VARS2: variants seen among roughly 807,000 people sequenced by gnomAD.
The protein encoded by VARS2 is valyl-tRNA synthetase 2, mitochondrial.
A neutral mutation model predicts 154.1 loss-of-function variants in VARS2; 105 were observed. The ratio of observed to expected loss-of-function variants is 0.68; its 90% CI spans 0.58 to 0.80. VARS2 has a LOEUF of 0.80. Ranked by LOEUF, VARS2 falls within the 30% of genes least tolerant of loss-of-function variation. The probability of loss-of-function intolerance (pLI) is 0.00; values close to 1 mark genes in which losing one functional copy is unlikely to be tolerated. For missense variants in VARS2, 1,157 were observed against 1,361.4 expected (o/e 0.85, Z 2.36); for synonymous variants, 483 against 539.5 (o/e 0.90, Z 1.45).
At chr6:30,925,858 T>G in intron 28 of VARS2, 22 bp from the exon 29 acceptor site, 2 of 1,612,118 alleles carry the variant, frequency 1.2e-6, no homozygotes, top group South Asian at 2.2e-5. Flanking sequence ...TGTCTGAGCC[T>G]TTTCTCCCTG....
chr6:30,923,090 T>A lies in VARS2; in HGVS notation c.2186-14T>A. ...GCCACCTACATGCAGACTACCTCGA[T>A]TCTTCCCTTCCAGCGGGCGACTTGC... On this transcript the variant is annotated splice_polypyrimidine_tract_variant and intron_variant, in intron 23 of 29. Transcript: ENST00000676266. 6.2e-7 allele frequency: 1 copy of A among 1,612,840 alleles called. No homozygotes were observed. Among genetic ancestry groups the A allele is most frequent in the South Asian group, 1.1e-5 (1 of 91,080 alleles).
Position 30,924,501 on chromosome 6 carries a change from C to A in VARS2, c.2614C>A (p.Pro872Thr), listed in dbSNP as rs1270400704. 1.9e-6 allele frequency: 3 copies of A among 1,599,688 alleles called. No homozygotes were observed. The highest frequency in any genetic ancestry group is 2.6e-6 in the Non-Finnish European group (3 of 1,170,264). The stretch of plus-strand genomic sequence containing the variant: ...GCTCTGGCAGAGGCTGCCCCCCAGG[C>A]CTGGTTGCCCCCCTGCCCCCAGCAT... ...EELWQRLPPR[P>T]GCPPAPSISV... Residue 872 changes from proline to threonine, a missense_variant, in exon 26 of 30, where the codon CCT becomes ACT. By Grantham distance (38) the Pro-to-Thr change is conservative (BLOSUM62 -1). Coordinates refer to ENST00000676266, the MANE Select transcript of VARS2 (RefSeq NM_020442.6).
At chr6:30,925,830 G>A (rs1794802628) in intron 28 of VARS2, 50 bp from the exon 29 acceptor site, 11 of 1,611,312 alleles carry the variant, frequency 6.8e-6, no homozygotes, top group Middle Eastern at 2.1e-4. Context: ...GGAGGATGGA[G>A]GCCTGGCAGC....
Position 30,924,388 on chromosome 6 carries a change from G to A in VARS2, c.2501G>A (p.Arg834His), listed in dbSNP as rs747564856. Residue 834 changes from arginine to histidine, a missense_variant, in exon 26 of 30, where the codon CGC (arginine) becomes CAC (histidine). By Grantham distance (29) the Arg-to-His change is conservative. Coordinates refer to ENST00000676266, the MANE Select transcript of VARS2 (RefSeq NM_020442.6). ...AAGCCCGTGCTGTGGCACTCGCCCC[G>A]CCCCCTGGGGCCCCCTCAGGTCCTG... ...AVKPVLWHSP[R>H]PLGPPQVLFS... The A allele has an allele frequency of 1.9e-5, 30 of 1,612,516 alleles. No homozygotes were observed. The highest frequency in any genetic ancestry group is 1.0e-4 in the Admixed American group (6 of 60,016).
rs116162316 is a variant in VARS2 at position 30,922,747 on chromosome 6, A to G, written c.2079A>G (p.Ala693=). The G allele has an allele frequency of 1.9e-6, 3 of 1,612,496 alleles. No individual in the cohort carries two copies. The highest frequency in any genetic ancestry group is 2.5e-6 in the Non-Finnish European group (3 of 1,179,688). Residue 693 remains alanine (A), a synonymous_variant, in exon 22 of 30, where the codon GCA becomes GCG. Transcript: ENST00000676266. ...EKLRSGNLDP[A]ELAIVAAAQK... ...TGAGAAGCGGAAATTTGGACCCTGCAGAGCTGGCCATTGTGGCTGCAGCAC... is the reference window on the plus strand; with the variant it reads ...TGAGAAGCGGAAATTTGGACCCTGCGGAGCTGGCCATTGTGGCTGCAGCAC...
chr6:30,921,491 G>A lies in VARS2; in HGVS notation c.1633-98G>A. 6.8e-7 allele frequency: 1 copy of A among 1,469,926 alleles called. No homozygotes were observed. The highest frequency in any genetic ancestry group is 9.3e-7 in the Non-Finnish European group (1 of 1,074,198). The allele number at this position is 1,469,926 out of a possible 1,614,324, so 91.1% of individuals were successfully genotyped here. A position where few individuals can be genotyped will look rare whatever the true frequency, so the allele number is the denominator to read the frequency against. ...CTTTATCTCACCCCTGGGGGAACCTGGCCACTCTAAGACCACATGAGGACG... is the reference window on the plus strand; with the variant it reads ...CTTTATCTCACCCCTGGGGGAACCTAGCCACTCTAAGACCACATGAGGACG... On this transcript the variant is annotated intron_variant, in intron 17 of 29. Transcript: ENST00000676266. This position sits in a 1 kb window ranked among gnomAD's most constrained non-coding sequence, Gnocchi z 4.6.
chr6:30,915,138 TCTG>T lies in VARS2; in HGVS notation c.202-15_202-13del. The T allele has an allele frequency of 6.2e-7, 1 of 1,613,934 alleles. No individual in the cohort carries two copies. Among genetic ancestry groups the T allele is most frequent in the Non-Finnish European group, 8.5e-7 (1 of 1,179,828 alleles). On this transcript the variant is annotated splice_polypyrimidine_tract_variant and intron_variant, in intron 2 of 29. Transcript: ENST00000676266. ...TGGGGTATACTGGATCCCAGCCTCTTCTGCTTTCTCTTCTCAGTCACCTGCAGA... is the reference window on the plus strand; with the variant it reads ...TGGGGTATACTGGATCCCAGCCTCTTCTTTCTCTTCTCAGTCACCTGCAGA...
At chr6:30,923,841 G>C (rs1794682601) in intron 25 of VARS2, 2 of 409,576 alleles carry the variant, frequency 4.9e-6, no homozygotes, top group East Asian at 9.2e-5. Context: ...GAGAGGCCTG[G>C]GAGGGACTAG....
At position 30,920,278 on chromosome 6, in the gene VARS2, A is replaced by G; in HGVS notation, c.1294-55A>G. ...TCTCTGTCCCCCTAATCCTCCTCCT[A>G]GTTTCTTATTTCTCTAGAGGCCTTC... On this transcript the variant is annotated intron_variant, in intron 13 of 29. Coordinates refer to ENST00000676266, the MANE Select transcript of VARS2 (RefSeq NM_020442.6). This position sits in a 1 kb window ranked among gnomAD's most constrained non-coding sequence, Gnocchi z 4.6. The G allele has an allele frequency of 6.4e-7, 1 of 1,569,984 alleles. No homozygotes were observed. Among genetic ancestry groups the G allele is most frequent in the Non-Finnish European group, 8.6e-7 (1 of 1,159,480 alleles).
rs1794125604 is a variant in VARS2, at chr6:30,915,844, C to T, written c.483C>T (p.Ala161=). The T allele has an allele frequency of 1.9e-6, 3 of 1,614,026 alleles. No homozygotes were observed. The highest frequency in any genetic ancestry group is 2.5e-6 in the Non-Finnish European group (3 of 1,180,046). ...SLHIGHALTV[A]IQDALVRWHR... is the part of the protein sequence containing the mutation. ...ACATTGGCCACGCACTCACGGTGGC[C>T]ATACAGGATGCCCTCGTGCGCTGGT... Residue 161 remains alanine (A), a synonymous_variant, in exon 5 of 30, where the codon GCC becomes GCT. Coordinates refer to ENST00000676266, the MANE Select transcript of VARS2 (RefSeq NM_020442.6).
Position 30,922,173 on chromosome 6 carries a change from C to T in VARS2, c.1864C>T (p.Leu622=), listed in dbSNP as rs1057521254. The change falls in exon 20 of 30, where the codon CTG becomes TTG. Residue 622 remains leucine (L), a synonymous_variant. Transcript: ENST00000676266. ...ACTTTTGGAAACGGGCAGCGACCTT[C>T]TGCTGTTCTGGGTGGGCCGCATGGT... The part of the protein sequence containing the change: ...LSLLETGSDL[L]LFWVGRMVML... 9 of 1,612,754 alleles carry T rather than the reference C, an allele frequency of 5.6e-6. No homozygotes were observed. In the African/African-American group the frequency reaches 8.0e-5, roughly 14 times the overall value.
chr6:30,915,824 G>T lies in VARS2; in HGVS notation c.463G>T (p.Gly155Cys). The T allele has an allele frequency of 6.2e-7, 1 of 1,614,114 alleles. No homozygotes were observed. Among genetic ancestry groups the T allele is most frequent in the Non-Finnish European group, 8.5e-7 (1 of 1,180,038 alleles). Residue 155 changes from glycine to cysteine, a missense_variant, in exon 5 of 30, where the codon GGC becomes TGC. By Grantham distance (159) the Gly-to-Cys change is radical (BLOSUM62 -3). Transcript: ENST00000676266. ...CAATGTCACTGGCTCCCTGCACATT[G>T]GCCACGCACTCACGGTGGCCATACA... is the stretch of plus-strand genomic sequence containing the variant. ...PPNVTGSLHI[G>C]HALTVAIQDA...
Position 30,916,562 on chromosome 6 carries a change from C to A in VARS2, c.671+313C>A. ...TCTCACCTTCTTCCACTCGCCCATT[C>A]CCACCTTTCAATTCCCATGGAATTA... is the stretch of plus-strand genomic sequence containing the variant. On this transcript the variant is annotated intron_variant, in intron 7 of 29. Transcript: ENST00000676266. This position sits in a 1 kb window ranked among gnomAD's most constrained non-coding sequence, Gnocchi z 4.0. 2.4e-6 allele frequency: 1 copy of A among 418,432 alleles called. No individual in the cohort carries two copies. Among genetic ancestry groups the A allele is most frequent in the Non-Finnish European group, 4.2e-6 (1 of 240,190 alleles). The allele number at this position is 418,432 out of a possible 1,614,324, so 25.9% of individuals were successfully genotyped here.
Position 30,921,430 on chromosome 6 carries a change from CCTT to C in VARS2, c.1632+128_1632+130del, listed in dbSNP as rs1447424286. 5.6e-6 allele frequency: 8 copies of C among 1,438,572 alleles called. No homozygotes were observed. The highest frequency in any genetic ancestry group is 2.4e-5 in the East Asian group (1 of 41,698). 89.1% of individuals were successfully genotyped at this position (1,438,572 alleles called of 1,614,324 possible). ...GTGCTTCATGCTCATAGTCATGTAA[CCTT>C]CTGCGCGATCAAGGCTCCCTGAAGT... On this transcript the variant is annotated intron_variant, in intron 17 of 29. Coordinates refer to ENST00000676266, the MANE Select transcript of VARS2 (RefSeq NM_020442.6). The surrounding 1 kb of genome is among the most constrained non-coding windows in gnomAD (Gnocchi z 4.6).
In VARS2 at chr6:30,922,099, G is replaced by T; in HGVS notation, c.1807-17G>T. The T allele has an allele frequency of 6.2e-7, 1 of 1,612,324 alleles. No individual in the cohort carries two copies. The highest frequency in any genetic ancestry group is 8.5e-7 in the Non-Finnish European group (1 of 1,179,728). ...GGGCCTGGGGCCTGGGCCTCTTACT[G>T]CTCCTCTTCCCCCTAGACCCCAGAC... On this transcript the variant is annotated splice_polypyrimidine_tract_variant and intron_variant, in intron 19 of 29. Coordinates refer to ENST00000676266, the MANE Select transcript of VARS2 (RefSeq NM_020442.6).
intron 1 of VARS2, chr6:30,914,596 C>T (rs1235067750): frequency 1.6e-6 from 2 of 1,244,608 alleles, no homozygotes; most frequent in South Asian, 1.7e-5. Flanking sequence ...CCAGACACTC[C>T]GGCCCTGTTC....
chr6:30,920,077 G>A lies in VARS2; in HGVS notation c.1166-12G>A, dbSNP rs1256527575. ...GTCAGGTTCAGTACTCACCATGGCT[G>A]TGCTCCCCAAGGGGCAGTGAAGGTG... is the stretch of plus-strand genomic sequence containing the variant. On this transcript the variant is annotated splice_polypyrimidine_tract_variant and intron_variant, in intron 12 of 29. Transcript: ENST00000676266. This position sits in a 1 kb window ranked among gnomAD's most constrained non-coding sequence, Gnocchi z 4.6. The A allele has an allele frequency of 2.0e-6, 3 of 1,526,196 alleles. No individual in the cohort carries two copies. The highest frequency in any genetic ancestry group is 8.8e-7 in the Non-Finnish European group (1 of 1,138,038). 94.5% of individuals were successfully genotyped at this position (1,526,196 alleles called of 1,614,324 possible). A position where few individuals can be genotyped will look rare whatever the true frequency, so the allele number is the denominator to read the frequency against.
In VARS2 at chr6:30,922,932, G is replaced by A. The variant is rs771480442; in HGVS notation, c.2141G>A (p.Gly714Glu). 6.2e-7 allele frequency: 1 copy of A among 1,610,560 alleles called. No homozygotes were observed. ...KDFPHGIPEC[G>E]TDALRFTLCS... ...TTTCCTCACGGGATCCCTGAGTGTG[G>A]GACAGATGCCCTGAGATTCACACTC... Residue 714 changes from glycine (G) to glutamate (E), a missense_variant, in exon 23 of 30, where the codon GGG becomes GAG. Coordinates refer to ENST00000676266, the MANE Select transcript of VARS2 (RefSeq NM_020442.6).
chr6:30,922,662 A>G, intron 21 of VARS2, 44 bp from the exon 22 acceptor site: 1 of 1,596,646 alleles, frequency 6.3e-7, no homozygotes, highest in Non-Finnish European at 8.5e-7. Flanking sequence ...TTATAGAGGC[A>G]GGGCCTTCGA....
Sources: gnomAD v4.1 joint callset for allele counts on GRCh38, gnomAD v4.1.1 for gene constraint, Gnocchi (gnomAD v3.1) non-coding constraint, MANE v1.5 for transcripts, NCBI Gene and HGNC (gene_info 2026-07-23, HGNC 2026-07-21) for gene names.